The following TMTC1 variants were observed in gnomAD, a reference collection of about 807,000 sequenced individuals.
The protein encoded by TMTC1 is protein O-mannosyl-transferase TMTC1.
A neutral mutation model predicts 104.8 loss-of-function variants in TMTC1; 73 were observed. The observed-to-expected ratio is 0.70, with a 90% CI of 0.58 to 0.85. The LOEUF is 0.85. Among genes scored for constraint, TMTC1 ranks in the 40% least tolerant of loss-of-function variants. TMTC1 has a pLI of 0.00. For missense variants in TMTC1, 1,035 were observed against 1,096.1 expected, an observed-to-expected ratio of 0.94 and a Z score of 0.79; for synonymous variants, 434 against 428.7, an observed-to-expected ratio of 1.01 and a Z score of -0.15.
intron 6 of TMTC1, among the ~76,000 whole-genome samples, chr12:29,628,776 C>G (rs1277478459): frequency 6.6e-6 from 1 of 152,054 alleles, no homozygotes; most frequent in Non-Finnish European, 1.5e-5. Flanking sequence ...ATTCTTCCAC[C>G]TCAGCCTGCC....
intron 5 of TMTC1, chr12:29,658,711 A>T (rs1939874560): frequency 4.7e-6 from 1 of 213,712 alleles, no homozygotes; most frequent in Non-Finnish European, 1.0e-5. Context: ...ATCTGCATGT[A>T]TGTGGCCAAA....
At chr12:29,724,258 G>T (rs1174964834) in intron 5 of TMTC1, among the ~76,000 whole-genome samples, 1 of 152,198 alleles carries the variant, frequency 6.6e-6, no homozygotes, top group African/African-American at 2.4e-5. Context: ...ATCAGCGTTG[G>T]CAGGAGCCTG....
chr12:29,612,647 T>C (rs757645687), intron 6 of TMTC1, among the ~76,000 whole-genome samples: 1 of 152,106 alleles, frequency 6.6e-6, no homozygotes, highest in South Asian at 2.1e-4. Flanking sequence ...ACTCCTGAAC[T>C]CAAGTGATCT....
At chr12:29,610,683 T>G (rs1946822579) in intron 6 of TMTC1, among the ~76,000 whole-genome samples, 1 of 152,164 alleles carries the variant, frequency 6.6e-6, no homozygotes, top group African/African-American at 2.4e-5. Flanking sequence ...GGTCACAAGG[T>G]CACACTGCGA....
At chr12:29,633,890 C>T (rs61922202) in intron 5 of TMTC1, among the ~76,000 whole-genome samples, 8,755 of 152,260 alleles carry the variant, frequency 0.058, 345 homozygotes, top group Admixed American at 0.084. Flanking sequence ...TGTTTCCTGG[C>T]TGCCACTAGG....
intron 5 of TMTC1, chr12:29,659,979 A>T (rs1333139406): frequency 6.5e-7 from 1 of 1,535,020 alleles, no homozygotes. Flanking sequence ...CAAAATGACA[A>T]GCACCTTCAG....
At chr12:29,702,809 T>C (rs1273931100) in intron 5 of TMTC1, among the ~76,000 whole-genome samples, 2 of 152,232 alleles carry the variant, frequency 1.3e-5, no homozygotes, top group East Asian at 1.9e-4. Context: ...TAGTCCATCA[T>C]ACCACACAGC....
At chr12:29,572,750 G>A (rs1174647944) in intron 8 of TMTC1, among the ~76,000 whole-genome samples, 1 of 152,182 alleles carries the variant, frequency 6.6e-6, no homozygotes. Flanking sequence ...TTTCCTTCTA[G>A]GGAGAATTAC....
At chr12:29,631,092 C>A (rs757654456) in intron 6 of TMTC1, among the ~76,000 whole-genome samples, 2 of 152,130 alleles carry the variant, frequency 1.3e-5, no homozygotes, top group Non-Finnish European at 2.9e-5. Flanking sequence ...GATCTTTTCT[C>A]CATTTTAGTT....
At chr12:29,570,301 C>T (rs542683586) in intron 9 of TMTC1, among the ~76,000 whole-genome samples, 1 of 152,166 alleles carries the variant, frequency 6.6e-6, no homozygotes, top group South Asian at 2.1e-4. Flanking sequence ...CTGGAACACA[C>T]AAAAAATTAT....
intron 5 of TMTC1, among the ~76,000 whole-genome samples, chr12:29,735,950 C>T (rs561793914): frequency 6.6e-6 from 1 of 152,264 alleles, no homozygotes; most frequent in African/African-American, 2.4e-5. Context: ...TGTAGAGTCT[C>T]CTCGGGTCTA....
chr12:29,526,277 G>C (rs1944341581), intron 11 of TMTC1, among the ~76,000 whole-genome samples: 1 of 152,170 alleles, frequency 6.6e-6, no homozygotes, highest in African/African-American at 2.4e-5. Flanking sequence ...GACTTTGGAA[G>C]GACCAGGTGG....
intron 2 of TMTC1, among the ~76,000 whole-genome samples, chr12:29,763,543 C>T (rs1565821516): frequency 6.6e-6 from 1 of 152,222 alleles, no homozygotes; most frequent in African/African-American, 2.4e-5. Context: ...AACATATAAT[C>T]AGCCTCAAGG....
intron 10 of TMTC1, among the ~76,000 whole-genome samples, chr12:29,546,520 C>A (rs1365569590): frequency 6.6e-6 from 1 of 152,090 alleles, no homozygotes; most frequent in Non-Finnish European, 1.5e-5. Context: ...CATGCATATT[C>A]CTCTTTCTGT....
intron 5 of TMTC1, among the ~76,000 whole-genome samples, chr12:29,725,011 GTTCT>G (rs1305480844): frequency 8.6e-6 from 1 of 115,728 alleles, no homozygotes; most frequent in Non-Finnish European, 1.7e-5. Context: ...TATCTGCCAA[GTTCT>G]TTTTTTTTTT....
intron 5 of TMTC1, among the ~76,000 whole-genome samples, chr12:29,655,192 T>C (rs1381944814): frequency 6.6e-6 from 1 of 152,124 alleles, no homozygotes; most frequent in Non-Finnish European, 1.5e-5. Context: ...TATGATTCCA[T>C]TTCTATATAC....
chr12:29,748,374 C>A (rs1943008110), intron 5 of TMTC1, among the ~76,000 whole-genome samples: 1 of 152,186 alleles, frequency 6.6e-6, no homozygotes, highest in Admixed American at 6.5e-5. Context: ...AATCTTTGTA[C>A]CTGCTGAGAG....
rs560560662 is a variant in TMTC1, at chr12:29,594,321, A to G, written c.1250+9857T>C. Among the ~76,000 whole-genome samples, 5 of 152,372 alleles carry G rather than the reference A, an allele frequency of 3.3e-5. No individual in the cohort carries two copies. In the East Asian group the frequency reaches 7.7e-4, roughly 24 times the overall value. Reference sequence around the variant, plus strand: ...GCAACTTCACTTTGGAAGCAAAGGCATACTGGGTAATCCACTATTTGTTGC... The same window carrying G: ...GCAACTTCACTTTGGAAGCAAAGGCGTACTGGGTAATCCACTATTTGTTGC... On this transcript the variant is annotated intron_variant, in intron 7 of 17. Coordinates refer to ENST00000539277, the MANE Select transcript of TMTC1 (RefSeq NM_001193451.2).
At chr12:29,512,624 T>C (rs1005883703) in intron 16 of TMTC1, among the ~76,000 whole-genome samples, 60 of 152,314 alleles carry the variant, frequency 3.9e-4, no homozygotes, top group African/African-American at 1.4e-3. Flanking sequence ...GAACATCTAC[T>C]TTACTAGGGG....
Sources: allele counts gnomAD v4.1 joint callset (sites outside exome capture counted in the v4.1 genomes callset), GRCh38; gene constraint gnomAD v4.1.1; transcripts MANE v1.5; gene names NCBI Gene and HGNC (gene_info 2026-07-23, HGNC 2026-07-21).